ADGRG4: variants seen among roughly 807,000 people sequenced by gnomAD.
ADGRG4 encodes the protein G protein-coupled receptor 112.
In ADGRG4, 122 loss-of-function variants were observed where a neutral mutation model predicts 126.2. The observed-to-expected ratio is 0.97, with a 90% confidence interval of 0.83 to 1.12. ADGRG4 has a LOEUF of 1.12. Ranked by LOEUF, ADGRG4 falls within the 50% of genes most tolerant of loss-of-function variation. ADGRG4 has a pLI of 0.00. For missense variants in ADGRG4, 2,481 were observed against 2,251.8 expected, an observed-to-expected ratio of 1.10 and a Z score of -2.06; for synonymous variants, 943 against 838.7, an observed-to-expected ratio of 1.12 and a Z score of -2.15.
At chrX:136,406,367 T>G (rs1002578185) in intron 23 of ADGRG4, among the ~76,000 whole-genome samples, 1 of 112,102 alleles carries the variant, frequency 8.9e-6, no homozygotes, top group Non-Finnish European at 1.9e-5. Context: ...CCTAATATTT[T>G]GGGAAAGAGC....
At chrX:136,381,718 A>G (rs1209919791) in intron 15 of ADGRG4, among the ~76,000 whole-genome samples, 1 of 111,182 alleles carries the variant, frequency 9.0e-6, no homozygotes, top group Non-Finnish European at 1.9e-5. Flanking sequence ...ACACACATAT[A>G]TATGAGAGTT....
rs745458636 is a variant in ADGRG4, at chrX:136,395,362, C to T, written c.8081-28C>T. 4.1e-5 allele frequency: 41 copies of T among 1,007,406 alleles called. No individual in the cohort carries two copies. In the South Asian group the frequency reaches 7.1e-4, roughly 17 times the overall value. The allele number at this position is 1,007,406 out of a possible 1,213,427, so 83.0% of individuals were successfully genotyped here. ...AACATTTCTGAGAAAAACAAAATTG[C>T]TTTGAAATTTCCTTCTGTCTCCTAC... On this transcript the variant is annotated intron_variant, in intron 18 of 25. Coordinates refer to ENST00000394143, the MANE Select transcript of ADGRG4 (RefSeq NM_153834.4).
In ADGRG4 at chrX:136,392,315, C is replaced by T. The variant is rs750564961; in HGVS notation, c.7995C>T (p.Asp2665=). 7.1e-5 allele frequency: 84 copies of T among 1,184,124 alleles called. No homozygotes were observed. Among genetic ancestry groups the T allele is most frequent in the Non-Finnish European group, 9.4e-5 (83 of 878,462 alleles). Reference sequence around the variant, plus strand: ...ATATGTTCATTCAAAACTTAGCTGACCCAGTGGTTATCACTCTGCAGCATA... The same window carrying T: ...ATATGTTCATTCAAAACTTAGCTGATCCAGTGGTTATCACTCTGCAGCATA... ...SDDMFIQNLA[D]PVVITLQHIG... is the part of the protein sequence containing the mutation. The change falls in exon 17 of 26, where the codon GAC becomes GAT. Residue 2665 remains aspartate (D), a synonymous_variant. Transcript: ENST00000394143.
intron 3 of ADGRG4, among the ~76,000 whole-genome samples, chrX:136,307,487 A>G (rs2074741490): frequency 8.9e-6 from 1 of 112,234 alleles, no homozygotes; most frequent in Non-Finnish European, 1.9e-5. Flanking sequence ...TAGAAAATCC[A>G]TCCAACTCAT....
intron 24 of ADGRG4, 38 bp from the exon 25 acceptor site, chrX:136,414,122 G>A: frequency 9.3e-7 from 1 of 1,072,516 alleles, no homozygotes; most frequent in Non-Finnish European, 1.3e-6. Context: ...AGAATTTCAT[G>A]AGTTTTATAT....
chrX:136,309,495 T>C (rs1043170324), intron 4 of ADGRG4, among the ~76,000 whole-genome samples: 2 of 112,407 alleles, frequency 1.8e-5, no homozygotes, highest in African/African-American at 6.5e-5. Context: ...GTAAATTCAG[T>C]TTGTAGCATT....
chrX:136,377,245 T>C (rs144710089), intron 15 of ADGRG4, among the ~76,000 whole-genome samples: 1,494 of 97,484 alleles, frequency 0.015, 30 homozygotes, highest in African/African-American at 0.057. Context: ...CAGACTGAAA[T>C]GCTGTGGCTT....
In ADGRG4 at chrX:136,394,358, A is replaced by G. The variant is rs780544404; in HGVS notation, c.8080+778A>G. ...ATTTCCACACAGAATAAATTTCCCTAAGAACGCCAGGAGTGGCTAAGTGAG... is the reference window on the plus strand; with the variant it reads ...ATTTCCACACAGAATAAATTTCCCTGAGAACGCCAGGAGTGGCTAAGTGAG... On this transcript the variant is annotated intron_variant, in intron 18 of 25. Coordinates refer to ENST00000394143, the MANE Select transcript of ADGRG4 (RefSeq NM_153834.4). Among the ~76,000 whole-genome samples, 7 of 112,083 alleles carry G rather than the reference A, an allele frequency of 6.2e-5. No homozygotes were observed. The South Asian group carries it at 2.6e-3, about 42-fold the overall frequency.
chrX:136,302,954 T>C (rs2074711176), intron 1 of ADGRG4, among the ~76,000 whole-genome samples: 2 of 111,454 alleles, frequency 1.8e-5, no homozygotes, highest in African/African-American at 6.5e-5. Context: ...CCATGTAGTA[T>C]GGCTTCAGAG....
rs1353290332 is a variant in ADGRG4, at chrX:136,323,068, A to G, written c.361A>G (p.Thr121Ala). The G allele has an allele frequency of 1.7e-6, 2 of 1,210,929 alleles. No individual in the cohort carries two copies. Among genetic ancestry groups the G allele is most frequent in the South Asian group, 1.8e-5 (1 of 56,976 alleles). Residue 121 changes from threonine (T) to alanine (A), a missense_variant, in exon 5 of 26, where the codon ACA becomes GCA. Transcript: ENST00000394143. ...RHHLASFQWH[T>A]ICLIWDGVKG... ...CCACCTGGCTTCATTTCAATGGCAT[A>G]CAATATGCTTGATATGGGATGGTGT...
Position 136,323,258 on chromosome X carries a change from A to G in ADGRG4, c.551A>G (p.Tyr184Cys). The change falls in exon 5 of 26, where the codon TAC (tyrosine) becomes TGC (cysteine). Residue 184 changes from tyrosine (Y) to cysteine (C), a missense_variant. Transcript: ENST00000394143. ...CGTAGCTTTCCTGGCAGCTTGTACT[A>G]CTTTCAACTCTGGGACCACATCCTG... ...MMRSFPGSLY[Y>C]FQLWDHILEN... The G allele has an allele frequency of 8.3e-7, 1 of 1,211,466 alleles. No homozygotes were observed. The highest frequency in any genetic ancestry group is 1.1e-6 in the Non-Finnish European group (1 of 895,422).
chrX:136,342,818 T>C (rs187817363), intron 5 of ADGRG4, among the ~76,000 whole-genome samples: 131 of 109,749 alleles, frequency 1.2e-3, no homozygotes, highest in African/African-American at 3.9e-3. Context: ...CTTTATATGC[T>C]TTATTAAGAA....
chrX:136,362,781 T>A (rs1940713602), intron 12 of ADGRG4, among the ~76,000 whole-genome samples: 1 of 111,868 alleles, frequency 8.9e-6, no homozygotes, highest in Non-Finnish European at 1.9e-5. Flanking sequence ...GAAAGTAACG[T>A]CTCTTTCCTT....
chrX:136,342,678 G>A (rs993317475), intron 5 of ADGRG4, among the ~76,000 whole-genome samples: 3 of 110,015 alleles, frequency 2.7e-5, no homozygotes, highest in Admixed American at 9.7e-5. Context: ...TACAGCAAAT[G>A]CAATGGTCTT....
At chrX:136,382,143 T>G (rs887821632) in intron 15 of ADGRG4, among the ~76,000 whole-genome samples, 6 of 111,217 alleles carry the variant, frequency 5.4e-5, no homozygotes, top group African/African-American at 2.0e-4. Flanking sequence ...CATACACATT[T>G]CCTGAGATCA....
chrX:136,301,986 C>G (rs1405507587), intron 1 of ADGRG4, among the ~76,000 whole-genome samples: 1 of 111,923 alleles, frequency 8.9e-6, no homozygotes, highest in Non-Finnish European at 1.9e-5. Context: ...TTACTGTATC[C>G]TTGTAGTATA....
chrX:136,412,568 G>A (rs957740105), intron 24 of ADGRG4, among the ~76,000 whole-genome samples: 23 of 111,968 alleles, frequency 2.1e-4, no homozygotes, highest in African/African-American at 7.5e-4. Flanking sequence ...TTTTAAACTA[G>A]GGATGCTTTT....
intron 9 of ADGRG4, among the ~76,000 whole-genome samples, chrX:136,356,865 C>T (rs745523635): frequency 3.1e-4 from 34 of 111,077 alleles, no homozygotes; most frequent in Admixed American, 9.6e-4. Context: ...TAGCCAGGCA[C>T]GGTGGTGCAT....
intron 5 of ADGRG4, among the ~76,000 whole-genome samples, chrX:136,343,052 G>A (rs1191633036): frequency 9.1e-6 from 1 of 109,780 alleles, no homozygotes. Context: ...AGTAGTCCAA[G>A]TGAAAGATGA....
Sources: allele counts gnomAD v4.1 joint callset (sites outside exome capture counted in the v4.1 genomes callset), GRCh38; gene constraint gnomAD v4.1.1; transcripts MANE v1.5; gene names NCBI Gene and HGNC (gene_info 2026-07-23, HGNC 2026-07-21).